The following SLA variants were observed in gnomAD, a reference collection of about 807,000 sequenced individuals.
The protein encoded by SLA is Src like adaptor, also known as src-like-adapter.
SLA carries 16 observed loss-of-function variants against 30.3 expected under a neutral mutation model. The observed-to-expected ratio is 0.53, with a 90% CI of 0.36 to 0.80. SLA has a LOEUF of 0.80. Ranked by LOEUF, SLA falls within the 30% of genes least tolerant of loss-of-function variation. The pLI, the probability that SLA is intolerant of heterozygous loss-of-function variation, is 0.01. For synonymous variants in SLA, 143 were observed against 137.8 expected (o/e 1.04, Z -0.26); for missense variants, 310 against 345.2 (o/e 0.90, Z 0.81).
At chr8:133,039,297 A>G (rs1243170345) in intron 8 of SLA, among the ~76,000 whole-genome samples, 1 of 152,202 alleles carries the variant, frequency 6.6e-6, no homozygotes, top group Non-Finnish European at 1.5e-5. Context: ...ATCTTGGACA[A>G]ATCACTTAAC....
intron 1 of SLA, among the ~76,000 whole-genome samples, chr8:133,099,628 C>T (rs927624065): frequency 1.3e-5 from 2 of 152,204 alleles, no homozygotes; most frequent in Non-Finnish European, 2.9e-5. Context: ...CACCTCTGCT[C>T]CCATCCCCAA....
chr8:133,073,197 A>G (rs1050510773), intron 2 of SLA: 1 of 152,234 alleles, frequency 6.6e-6, no homozygotes, highest in Non-Finnish European at 1.5e-5. Flanking sequence ...AGGTGCAGCT[A>G]TTACGGCACA....
Position 133,096,265 on chromosome 8 carries a change from C to T in SLA, c.-319+6288G>A, listed in dbSNP as rs758341285. 8.1e-6 allele frequency: 13 copies of T among 1,614,138 alleles called. No individual in the cohort carries two copies. The highest frequency in any genetic ancestry group is 5.5e-5 in the South Asian group (5 of 91,092). On this transcript the variant is annotated intron_variant, in intron 1 of 8. Transcript: ENST00000338087. The stretch of plus-strand genomic sequence containing the variant: ...GTCCTGTGATCGATGGCCACTTCCT[C>T]CGTGAGCCTCCAGCCAGAGCACTGA...
Position 133,045,002 on chromosome 8 carries a change from G to T in SLA, c.466C>A (p.Leu156Met). Residue 156 changes from leucine (L) to methionine (M), a missense_variant, in exon 7 of 9, where the codon CTG (leucine) becomes ATG (methionine). Transcript: ENST00000338087. ...PRLTFQCLED[L>M]VNHYSEVADG... ...CTCTTACCAGAATAGTGGTTCACCA[G>T]GTCCTCCAGGCACTGGAAGGTGAGC... 1 of 1,614,226 alleles carries T rather than the reference G, an allele frequency of 6.2e-7. No individual in the cohort carries two copies. The highest frequency in any genetic ancestry group is 8.5e-7 in the Non-Finnish European group (1 of 1,180,022).
chr8:133,040,349 C>T, intron 7 of SLA: 1 of 543,608 alleles, frequency 1.8e-6, no homozygotes, highest in Non-Finnish European at 3.3e-6. Context: ...TGCACTTAGC[C>T]AGGCATGGGC....
At chr8:133,084,716 C>T (rs986094157) in intron 1 of SLA, among the ~76,000 whole-genome samples, 1 of 152,236 alleles carries the variant, frequency 6.6e-6, no homozygotes, top group Admixed American at 6.5e-5. Context: ...CTCCATTTCC[C>T]AGCAGAAGTG....
At chr8:133,059,504 A>G (rs1402947924) in intron 3 of SLA, among the ~76,000 whole-genome samples, 1 of 152,112 alleles carries the variant, frequency 6.6e-6, no homozygotes, top group African/African-American at 2.4e-5. Context: ...CATCTCTCCA[A>G]AAAGCTGACT....
intron 1 of SLA, among the ~76,000 whole-genome samples, chr8:133,084,308 A>G (rs1381749355): frequency 6.6e-6 from 1 of 152,220 alleles, no homozygotes; most frequent in Non-Finnish European, 1.5e-5. Context: ...GAAAAAAATG[A>G]CTAGAAAGAA....
At chr8:133,042,244 G>T (rs958833018) in intron 7 of SLA, among the ~76,000 whole-genome samples, 1 of 152,142 alleles carries the variant, frequency 6.6e-6, no homozygotes, top group African/African-American at 2.4e-5. Context: ...ACATCCTCCA[G>T]CTGTCTCTTG....
At position 133,058,857 on chromosome 8, in the gene SLA, G is replaced by A. The variant is rs535931885; in HGVS notation, c.61+1243C>T. Among the ~76,000 whole-genome samples, 3 of 152,308 alleles carry A rather than the reference G, an allele frequency of 2.0e-5. No individual in the cohort carries two copies. In the South Asian group the frequency reaches 6.2e-4, roughly 32 times the overall value. On this transcript the variant is annotated intron_variant, in intron 3 of 8. Transcript: ENST00000338087. The stretch of plus-strand genomic sequence containing the variant: ...TTTATCCCTCTTGCATTTGGCTTGA[G>A]AAGGAGAGTTACTTCACTAGATAAA...
chr8:133,095,279 A>G lies in SLA; in HGVS notation c.-319+7274T>C. ...TACAAATAGAAAATGAAGACCTAGG[A>G]AGGAGGTGTCACCCACCCCAGCCAT... On this transcript the variant is annotated intron_variant, in intron 1 of 8. Transcript: ENST00000338087. 9.9e-6 allele frequency: 16 copies of G among 1,609,486 alleles called. 1 individual carries two copies. The South Asian group carries it at 1.7e-4, about 17-fold the overall frequency.
intron 1 of SLA, chr8:133,094,796 C>G: frequency 1.7e-6 from 1 of 579,864 alleles, no homozygotes; most frequent in South Asian, 1.9e-5. Context: ...TGAAGGTTCC[C>G]TTGTGCAGCA....
intron 7 of SLA, among the ~76,000 whole-genome samples, chr8:133,042,032 C>A (rs1469084125): frequency 6.6e-6 from 1 of 151,812 alleles, no homozygotes; most frequent in Non-Finnish European, 1.5e-5. Flanking sequence ...CATGATCCAC[C>A]CACCTCAGCC....
intron 1 of SLA, chr8:133,094,767 T>G: frequency 1.9e-6 from 1 of 513,182 alleles, no homozygotes; most frequent in South Asian, 2.0e-5. Context: ...ATATACAAAT[T>G]CATCTGCACA....
intron 1 of SLA, among the ~76,000 whole-genome samples, chr8:133,097,888 T>C (rs1848665031): frequency 6.6e-6 from 1 of 152,184 alleles, no homozygotes; most frequent in East Asian, 1.9e-4. Flanking sequence ...TTCTGAAGGT[T>C]CCTATCTGGA....
intron 3 of SLA, chr8:133,058,929 G>A (rs1482745645): frequency 4.3e-6 from 2 of 459,888 alleles, no homozygotes; most frequent in East Asian, 1.3e-4. Flanking sequence ...GGGGTGTGGG[G>A]TGGCTGGGTC....
intron 1 of SLA, among the ~76,000 whole-genome samples, chr8:133,091,585 T>C (rs1250756823): frequency 6.6e-6 from 1 of 152,118 alleles, no homozygotes; most frequent in Non-Finnish European, 1.5e-5. Context: ...TTTGTGTGTA[T>C]GTGTCTGAGT....
At chr8:133,065,543 C>T (rs958569040) in intron 2 of SLA, among the ~76,000 whole-genome samples, 4 of 152,198 alleles carry the variant, frequency 2.6e-5, no homozygotes, top group East Asian at 1.9e-4. Flanking sequence ...AGGTGGATCA[C>T]GTCAGGTCAG....
At chr8:133,039,870 A>G (rs1270204263) in intron 8 of SLA, 128 bp downstream of exon 8, 1 of 1,449,190 alleles carries the variant, frequency 6.9e-7, no homozygotes, top group Non-Finnish European at 9.2e-7. Context: ...CAGTTTCAGC[A>G]GGGCTGGCTG....
Sources: allele counts gnomAD v4.1 joint callset (sites outside exome capture counted in the v4.1 genomes callset), GRCh38; gene constraint gnomAD v4.1.1; transcripts MANE v1.5; gene names NCBI Gene and HGNC (gene_info 2026-07-23, HGNC 2026-07-21).